MRC2: variants seen among roughly 807,000 people sequenced by gnomAD.
MRC2 encodes mannose receptor C-type 2.
Under a neutral mutation model 206.2 loss-of-function variants are expected in MRC2, and 84 were observed. The observed-to-expected ratio is 0.41, with a 90% CI of 0.34 to 0.49. The LOEUF (loss-of-function observed/expected upper bound fraction) is 0.49. MRC2 is among the 20% of genes least tolerant of loss of function. MRC2 has a pLI of 0.31. For synonymous variants in MRC2, 798 were observed against 800.0 expected (o/e 1.00, Z 0.04); for missense variants, 1,676 against 2,001.5 (o/e 0.84, Z 3.10).
intron 1 of MRC2, among the ~76,000 whole-genome samples, chr17:62,645,518 T>TATATAA (rs2088468908): frequency 1.4e-5 from 1 of 69,832 alleles, no homozygotes; most frequent in African/African-American, 6.0e-5. Context: ...TATATATATA[T>TATATAA]ATATATATAT....
In MRC2 at chr17:62,652,580, G is replaced by A. The variant is rs533647645; in HGVS notation, c.119-11968G>A. ...CCCCACGGGGAAGGAAGTGGCTCTT[G>A]GGCTGTTTATTTTGGCTGCGGGCTA... On this transcript the variant is annotated intron_variant, in intron 1 of 29. Transcript: ENST00000303375. This position sits in a 1 kb window ranked among gnomAD's most constrained non-coding sequence, Gnocchi z 4.6. Among the ~76,000 whole-genome samples, 135 of 152,338 alleles carry A rather than the reference G, an allele frequency of 8.9e-4. No individual in the cohort carries two copies. The highest frequency in any genetic ancestry group is 3.0e-3 in the African/African-American group (126 of 41,576).
At position 62,667,095 on chromosome 17, in the gene MRC2, C is replaced by G. The variant is rs564006502; in HGVS notation, c.973+225C>G. ...GGACTGGGTGCCAGCCTCCACTCAC[C>G]TCTTCAGCCACCCCTGTGGGCAGCG... On this transcript the variant is annotated intron_variant, in intron 5 of 29. Coordinates refer to ENST00000303375, the MANE Select transcript of MRC2 (RefSeq NM_006039.5). This position sits in a 1 kb window ranked among gnomAD's most constrained non-coding sequence, Gnocchi z 4.1. Among the ~76,000 whole-genome samples the G allele has an allele frequency of 5.3e-5, 8 of 152,210 alleles. No individual in the cohort carries two copies. The South Asian group carries it at 1.7e-3, about 32-fold the overall frequency.
At chr17:62,661,853 GA>G (rs903089058) in intron 1 of MRC2, 1 of 151,966 alleles carries the variant, frequency 6.6e-6, no homozygotes, top group East Asian at 1.9e-4. Context: ...CTTTTTATGG[GA>G]AAAAAGTTCT....
chr17:62,677,597 C>T lies in MRC2; in HGVS notation c.2052+111C>T, dbSNP rs1185272794. 4.2e-6 allele frequency: 4 copies of T among 962,436 alleles called. No individual in the cohort carries two copies. The African/African-American group carries it at 4.9e-5, about 12-fold the overall frequency. 59.6% of individuals were successfully genotyped at this position (962,436 alleles called of 1,614,324 possible). A position where few individuals can be genotyped will look rare whatever the true frequency, so the allele number is the denominator to read the frequency against. On this transcript the variant is annotated intron_variant, in intron 12 of 29. Coordinates refer to ENST00000303375, the MANE Select transcript of MRC2 (RefSeq NM_006039.5). ...CACAATCCAGAGACACACCAGGCTG[C>T]AGACGGGTGATTTCTGGTGAGACTT...
intron 1 of MRC2, among the ~76,000 whole-genome samples, chr17:62,642,963 A>G (rs2088425093): frequency 6.6e-6 from 1 of 152,226 alleles, no homozygotes; most frequent in Non-Finnish European, 1.5e-5. Context: ...CTCCAGTTGC[A>G]TGCCACAGCA....
intron 26 of MRC2, 115 bp downstream of exon 26, chr17:62,690,420 C>A (rs1020987324): frequency 1.4e-6 from 2 of 1,412,654 alleles, no homozygotes; most frequent in Non-Finnish European, 1.9e-6. Context: ...AGCACTTACA[C>A]AAGATGCCCT....
rs539611675 is a variant in MRC2 at position 62,672,467 on chromosome 17, G to A, written c.1461+315G>A. 7.9e-5 allele frequency among the ~76,000 whole-genome samples: 12 copies of A among 152,270 alleles called. No homozygotes were observed. The South Asian group carries it at 2.5e-3, about 32-fold the overall frequency. On this transcript the variant is annotated intron_variant, in intron 8 of 29. Transcript: ENST00000303375. The surrounding 1 kb of genome is among the most constrained non-coding windows in gnomAD (Gnocchi z 4.5). The stretch of plus-strand genomic sequence containing the variant: ...CTGGCGCATTCTTGGTCTCCTCCCA[G>A]CTGCCCTTCCCTGCCAGAAGGTGGC...
rs563343517 is a variant in MRC2 at position 62,681,062 on chromosome 17, T to C, written c.2635T>C (p.Phe879Leu). 6 of 1,613,274 alleles carry C rather than the reference T, an allele frequency of 3.7e-6. No individual in the cohort carries two copies. In the East Asian group the frequency reaches 1.3e-4, roughly 36 times the overall value. ...LDFLSHNLQK[F>L]SRAQEQHWWI... is the part of the protein sequence containing the mutation. Reference sequence around the variant, plus strand: ...ACACCTGCCCGCCTGGCTTCTCCAGTTCTCCCGGGCCCAGGAGCAGCACTG... The same window carrying C: ...ACACCTGCCCGCCTGGCTTCTCCAGCTCTCCCGGGCCCAGGAGCAGCACTG... The change falls in exon 18 of 30, where the codon TTC becomes CTC. Residue 879 changes from phenylalanine to leucine, a missense_variant and splice_region_variant. Transcript: ENST00000303375.
At chr17:62,648,668 C>T (rs1457359131) in intron 1 of MRC2, among the ~76,000 whole-genome samples, 1 of 152,182 alleles carries the variant, frequency 6.6e-6, no homozygotes, top group Non-Finnish European at 1.5e-5. Flanking sequence ...AAGACAGAAA[C>T]ATATGGTGGT....
At chr17:62,659,567 A>G (rs890556848) in intron 1 of MRC2, among the ~76,000 whole-genome samples, 1 of 151,698 alleles carries the variant, frequency 6.6e-6, no homozygotes, top group Non-Finnish European at 1.5e-5. Context: ...AAAAGCTTTC[A>G]GCACATGAAT....
In MRC2 at chr17:62,666,758, C is replaced by T. The variant is rs2088761352; in HGVS notation, c.861C>T (p.Gly287=). The T allele has an allele frequency of 6.2e-7, 1 of 1,613,198 alleles. No homozygotes were observed. The highest frequency in any genetic ancestry group is 8.5e-7 in the Non-Finnish European group (1 of 1,179,654). ...TTCAGTGTCCCTCCTTGCTGTCAGGCCTCCTCACTGGGTACAGCTCCACCC... is the reference window on the plus strand; with the variant it reads ...TTCAGTGTCCCTCCTTGCTGTCAGGTCTCCTCACTGGGTACAGCTCCACCC... ...TEIHEQTYIN[G]LLTGYSSTLW... Residue 287 remains glycine, a splice_region_variant and synonymous_variant, in exon 5 of 30, where the codon GGC becomes GGT. Transcript: ENST00000303375. This position sits in a 1 kb window ranked among gnomAD's most constrained non-coding sequence, Gnocchi z 5.0.
At chr17:62,641,720 GA>G (rs2088406576) in intron 1 of MRC2, among the ~76,000 whole-genome samples, 1 of 152,192 alleles carries the variant, frequency 6.6e-6, no homozygotes, top group South Asian at 2.1e-4. Context: ...CAACATGGGT[GA>G]ATATTAGAGA....
At position 62,688,900 on chromosome 17, in the gene MRC2, C is replaced by G. The variant is rs1428228031; in HGVS notation, c.3274C>G (p.Arg1092Gly). 6.2e-7 allele frequency: 1 copy of G among 1,613,684 alleles called. No individual in the cohort carries two copies. The highest frequency in any genetic ancestry group is 8.5e-7 in the Non-Finnish European group (1 of 1,180,004). The change falls in exon 23 of 30, where the codon CGC becomes GGC. Residue 1092 changes from arginine (R) to glycine (G), a missense_variant. By Grantham distance (125) the Arg-to-Gly change is moderately radical. Around this residue, in one of 3 missense-constraint regions of MRC2, gnomAD observed 1,354 missense variants for 1,636.6 expected, o/e 0.83. Transcript: ENST00000303375. ...CAGCCCCTCAGCCCACTTCACTGGC[C>G]GCTGGGACGATCGGAGCTGCACGGA... ...LHSPSAHFTG[R>G]WDDRSCTEET...
At chr17:62,690,599 C>T in intron 26 of MRC2, 43 bp from the exon 27 acceptor site, 3 of 1,549,790 alleles carry the variant, frequency 1.9e-6, no homozygotes, top group Non-Finnish European at 2.6e-6. Context: ...TCTGCCCCCC[C>T]CGGAGACCCA....
At chr17:62,637,021 C>T (rs1227753652) in intron 1 of MRC2, among the ~76,000 whole-genome samples, 1 of 152,176 alleles carries the variant, frequency 6.6e-6, no homozygotes, top group Non-Finnish European at 1.5e-5. Context: ...GCATTGCTGC[C>T]AGGTTAGCGC....
intron 6 of MRC2, among the ~76,000 whole-genome samples, chr17:62,669,177 A>G (rs1195320933): frequency 6.6e-6 from 1 of 151,880 alleles, no homozygotes; most frequent in Non-Finnish European, 1.5e-5. Flanking sequence ...TCTGCTCCTG[A>G]CCATGGAAGT....
intron 12 of MRC2, 56 bp from the exon 13 acceptor site, chr17:62,678,448 C>T: frequency 6.3e-7 from 1 of 1,585,028 alleles, no homozygotes; most frequent in Non-Finnish European, 8.5e-7. Flanking sequence ...CAGTAGGTGC[C>T]CCCTGAGGGG....
intron 1 of MRC2, among the ~76,000 whole-genome samples, chr17:62,648,378 G>A (rs1265882319): frequency 6.6e-6 from 1 of 152,212 alleles, no homozygotes; most frequent in Non-Finnish European, 1.5e-5. Context: ...AGGGTCCCAG[G>A]TCAACTCCTC....
rs901780738 is a variant in MRC2 at position 62,639,861 on chromosome 17, C to CT, written c.118+11950dup. On this transcript the variant is annotated intron_variant, in intron 1 of 29. Coordinates refer to ENST00000303375, the MANE Select transcript of MRC2 (RefSeq NM_006039.5). ...AGTGACAAATATATGGCTAATGATT[C>CT]TTTTTTTTTGAGACAGAGTTTTGCA... 2.4e-4 allele frequency among the ~76,000 whole-genome samples: 36 copies of CT among 150,066 alleles called. No individual in the cohort carries two copies. In the South Asian group the frequency reaches 3.8e-3, roughly 16 times the overall value.
Sources: allele counts gnomAD v4.1 joint callset (sites outside exome capture counted in the v4.1 genomes callset), GRCh38; gene constraint gnomAD v4.1.1; regional missense constraint gnomAD v4.1.1; non-coding constraint Gnocchi (gnomAD v3.1); transcripts MANE v1.5; gene names NCBI Gene and HGNC (gene_info 2026-07-23, HGNC 2026-07-21).